SNX29: variants seen among roughly 807,000 people sequenced by gnomAD.
The protein encoded by SNX29 is sorting nexin-29.
Under a neutral mutation model 102.1 loss-of-function variants are expected in SNX29, and 78 were observed. The observed-to-expected ratio is 0.76, with a 90% CI of 0.64 to 0.92. SNX29 has a LOEUF of 0.92. Among genes scored for constraint, SNX29 ranks in the 40% least tolerant of loss-of-function variants. The probability of loss-of-function intolerance (pLI) is 0.00; values close to 1 mark genes in which losing one functional copy is unlikely to be tolerated. For missense variants in SNX29, 1,280 were observed against 1,061.7 expected (o/e 1.21, Z -2.86); for synonymous variants, 580 against 414.5 (o/e 1.40, Z -4.85).
At chr16:12,559,757 G>C (rs2078608642) in intron 20 of SNX29, among the ~76,000 whole-genome samples, 1 of 152,072 alleles carries the variant, frequency 6.6e-6, no homozygotes, top group African/African-American at 2.4e-5. Context: ...CAGCCTGACA[G>C]CAGTCACTCT....
chr16:12,519,930 C>T (rs2090030673), intron 19 of SNX29, among the ~76,000 whole-genome samples: 1 of 152,022 alleles, frequency 6.6e-6, no homozygotes, highest in Non-Finnish European at 1.5e-5. Flanking sequence ...ATCTCTTGAA[C>T]CAGGGATTGC....
chr16:12,375,055 A>G (rs1400560429), intron 16 of SNX29: 1 of 152,194 alleles, frequency 6.6e-6, no homozygotes, highest in East Asian at 1.9e-4. Flanking sequence ...TGTCTTAAAA[A>G]AAAATGCATG....
Position 12,569,214 on chromosome 16 carries a change from A to T in SNX29, c.*585A>T, listed in dbSNP as rs1466453533. On this transcript the variant is annotated 3_prime_UTR_variant, in exon 21 of 21. Transcript: ENST00000566228. ...TGGCACTGTCACAGCTCACTTTTCCAGAGGGATATTCCTGTGGCTTTGGCA... is the reference window on the plus strand; with the variant it reads ...TGGCACTGTCACAGCTCACTTTTCCTGAGGGATATTCCTGTGGCTTTGGCA... 9.0e-6 allele frequency: 2 copies of T among 221,472 alleles called. No individual in the cohort carries two copies. The highest frequency in any genetic ancestry group is 1.8e-5 in the Non-Finnish European group (2 of 112,004). 13.7% of individuals were successfully genotyped at this position (221,472 alleles called of 1,614,324 possible).
chr16:12,539,445 CAG>C (rs1382831051), intron 20 of SNX29, among the ~76,000 whole-genome samples: 6 of 152,280 alleles, frequency 3.9e-5, no homozygotes, highest in African/African-American at 9.6e-5. Flanking sequence ...TATTACTGAG[CAG>C]AGTTTGGTTA....
intron 14 of SNX29, among the ~76,000 whole-genome samples, chr16:12,251,907 G>A (rs976698905): frequency 6.6e-6 from 1 of 152,062 alleles, no homozygotes; most frequent in Admixed American, 6.5e-5. Flanking sequence ...CTATAGGTGT[G>A]TGCCACCATG....
intron 15 of SNX29, among the ~76,000 whole-genome samples, chr16:12,339,906 G>A (rs2081563497): frequency 6.6e-6 from 1 of 152,142 alleles, no homozygotes; most frequent in African/African-American, 2.4e-5. Context: ...GGGGGCGTTT[G>A]GTCAGCTTCC....
At chr16:12,541,701 G>C (rs1219726275) in intron 20 of SNX29, among the ~76,000 whole-genome samples, 1 of 152,286 alleles carries the variant, frequency 6.6e-6, no homozygotes, top group Admixed American at 6.5e-5. Flanking sequence ...TGGGGCGGGA[G>C]TGGGTTCCTG....
At chr16:12,288,257 A>G (rs1018412393) in intron 15 of SNX29, among the ~76,000 whole-genome samples, 1 of 152,188 alleles carries the variant, frequency 6.6e-6, no homozygotes, top group African/African-American at 2.4e-5. Context: ...CGTGGGTGCC[A>G]TGTCAGTTTA....
At chr16:12,003,088 G>A (rs752484959) in intron 3 of SNX29, 45 bp downstream of exon 3, 186 of 1,610,300 alleles carry the variant, frequency 1.2e-4, no homozygotes, top group Non-Finnish European at 1.5e-4. Flanking sequence ...AGGTTGGAAA[G>A]GCGGCAGAAG....
intron 11 of SNX29, among the ~76,000 whole-genome samples, chr16:12,117,780 C>T (rs2053795127): frequency 6.6e-6 from 1 of 152,114 alleles, no homozygotes; most frequent in African/African-American, 2.4e-5. Flanking sequence ...ATGAATCGTA[C>T]CTCAGTACAT....
intron 15 of SNX29, among the ~76,000 whole-genome samples, chr16:12,324,480 C>T (rs956081292): frequency 1.3e-5 from 2 of 151,968 alleles, no homozygotes; most frequent in Non-Finnish European, 2.9e-5. Context: ...GGCCATGTTG[C>T]CCAGGCTGTT....
intron 20 of SNX29, among the ~76,000 whole-genome samples, chr16:12,525,707 C>T (rs1029126705): frequency 3.1e-5 from 4 of 129,466 alleles, no homozygotes; most frequent in African/African-American, 5.8e-5. Flanking sequence ...CACCCCCCCC[C>T]CCAAAAAAAA....
At chr16:12,538,684 C>G (rs937030858) in intron 20 of SNX29, among the ~76,000 whole-genome samples, 1 of 152,090 alleles carries the variant, frequency 6.6e-6, no homozygotes, top group Non-Finnish European at 1.5e-5. Context: ...ATCCTCCTCC[C>G]AGGACCAGTG....
intron 18 of SNX29, among the ~76,000 whole-genome samples, chr16:12,420,995 G>C (rs557873589): frequency 6.6e-6 from 1 of 152,324 alleles, no homozygotes; most frequent in South Asian, 2.1e-4. Context: ...GCTATGCGGG[G>C]TACTTTTTCT....
At chr16:12,330,558 A>G (rs1279420792) in intron 15 of SNX29, among the ~76,000 whole-genome samples, 1 of 152,228 alleles carries the variant, frequency 6.6e-6, no homozygotes, top group African/African-American at 2.4e-5. Flanking sequence ...ACAGGTGGTC[A>G]CCATTGTCAC....
intron 13 of SNX29, among the ~76,000 whole-genome samples, chr16:12,195,758 T>G (rs1400785587): frequency 6.6e-6 from 1 of 152,206 alleles, no homozygotes; most frequent in Non-Finnish European, 1.5e-5. Flanking sequence ...AAATCCCAAG[T>G]TGGAGTGTGT....
chr16:12,491,510 GT>G (rs147506042), intron 19 of SNX29, among the ~76,000 whole-genome samples: 4 of 150,410 alleles, frequency 2.7e-5, no homozygotes, highest in Admixed American at 2.0e-4. Context: ...TGCTGCTGTT[GT>G]TTTTTTTTAT....
At chr16:12,126,493 G>A in intron 11 of SNX29, 140 bp from the exon 12 acceptor site, 3 of 825,982 alleles carry the variant, frequency 3.6e-6, no homozygotes, top group Non-Finnish European at 5.8e-6. Context: ...CTCTTAGACT[G>A]TTATAGGAGT....
chr16:12,206,392 A>AG (rs1194179240), intron 14 of SNX29, among the ~76,000 whole-genome samples: 1 of 151,816 alleles, frequency 6.6e-6, no homozygotes, highest in Non-Finnish European at 1.5e-5. Flanking sequence ...TTCAAAAAAA[A>AG]AAAAAAAAAA....
Sources: allele counts gnomAD v4.1 joint callset (sites outside exome capture counted in the v4.1 genomes callset), GRCh38; gene constraint gnomAD v4.1.1; transcripts MANE v1.5; gene names NCBI Gene and HGNC (gene_info 2026-07-23, HGNC 2026-07-21).